Variants in HNF4G observed in about 807,000 individuals in gnomAD.
HNF4G encodes hepatocyte nuclear factor 4 gamma.
A neutral mutation model predicts 50.9 loss-of-function variants in HNF4G; 21 were observed. That is an observed-to-expected ratio of 0.41 (90% confidence interval 0.29 to 0.59). The LOEUF (loss-of-function observed/expected upper bound fraction) is 0.59. Ranked by LOEUF, HNF4G falls within the 20% of genes least tolerant of loss-of-function variation. The pLI is 0.26. For missense variants in HNF4G, 527 were observed against 559.4 expected (o/e 0.94, Z 0.58); for synonymous variants, 198 against 185.6 (o/e 1.07, Z -0.54).
chr8:75,518,738 A>C (rs1474944541), intron 2 of HNF4G, among the ~76,000 whole-genome samples: 91 of 151,764 alleles, frequency 6.0e-4, no homozygotes, highest in African/African-American at 2.1e-3. Flanking sequence ...CTGGCCCATG[A>C]AATCTTTTTT....
intron 1 of HNF4G, among the ~76,000 whole-genome samples, chr8:75,421,139 A>G (rs1176677264): frequency 2.6e-5 from 4 of 152,242 alleles, no homozygotes; most frequent in Admixed American, 2.6e-4. Flanking sequence ...TGTACAAATT[A>G]TTAATGAGAA....
intron 2 of HNF4G, among the ~76,000 whole-genome samples, chr8:75,545,617 T>C (rs550103427): frequency 6.6e-6 from 1 of 152,250 alleles, no homozygotes; most frequent in South Asian, 2.1e-4. Context: ...TTTCCTTAGA[T>C]TACAAAGTTC....
At chr8:75,414,218 A>G (rs1177041776) in intron 1 of HNF4G, among the ~76,000 whole-genome samples, 2 of 152,078 alleles carry the variant, frequency 1.3e-5, no homozygotes, top group African/African-American at 2.4e-5. Flanking sequence ...TTCCGTCATT[A>G]ATGTTGCCTT....
At chr8:75,415,930 A>G (rs1033509892) in intron 1 of HNF4G, among the ~76,000 whole-genome samples, 2 of 152,162 alleles carry the variant, frequency 1.3e-5, no homozygotes, top group African/African-American at 4.8e-5. Context: ...ATAGGTTCTG[A>G]TAAAGTTTGG....
At chr8:75,464,489 T>C (rs1268992997) in intron 1 of HNF4G, among the ~76,000 whole-genome samples, 1 of 152,132 alleles carries the variant, frequency 6.6e-6, no homozygotes, top group Non-Finnish European at 1.5e-5. Flanking sequence ...TTTTTTCCCC[T>C]TGGAAATGTC....
chr8:75,427,689 A>T (rs1160610024), intron 1 of HNF4G, among the ~76,000 whole-genome samples: 4 of 152,138 alleles, frequency 2.6e-5, no homozygotes, highest in Non-Finnish European at 4.4e-5. Context: ...AATATATATT[A>T]GTATAATAGG....
At chr8:75,445,619 A>T (rs1345878384) in intron 1 of HNF4G, among the ~76,000 whole-genome samples, 3 of 98,720 alleles carry the variant, frequency 3.0e-5, no homozygotes, top group Non-Finnish European at 5.7e-5. Flanking sequence ...TCCCACAGAA[A>T]TACAAACTAC....
upstream of HNF4G, among the ~76,000 whole-genome samples, chr8:75,535,432 G>A (rs1395282063): frequency 6.6e-6 from 1 of 151,814 alleles, no homozygotes; most frequent in African/African-American, 2.4e-5. Flanking sequence ...GTTGGGTAGA[G>A]TTCTTCACTT....
chr8:75,529,865 A>AT (rs1211051918), intron 2 of HNF4G, among the ~76,000 whole-genome samples: 2 of 152,068 alleles, frequency 1.3e-5, no homozygotes, highest in Non-Finnish European at 2.9e-5. Context: ...AAAATATTTA[A>AT]TTTTTAAACA....
At chr8:75,455,636 C>T (rs1811702255) in intron 1 of HNF4G, among the ~76,000 whole-genome samples, 1 of 152,076 alleles carries the variant, frequency 6.6e-6, no homozygotes, top group African/African-American at 2.4e-5. Flanking sequence ...TCTGATAAAT[C>T]ATTTCAGTTC....
chr8:75,412,903 A>G (rs1343280100), intron 1 of HNF4G, among the ~76,000 whole-genome samples: 1 of 152,164 alleles, frequency 6.6e-6, no homozygotes, highest in Non-Finnish European at 1.5e-5. Flanking sequence ...ACACTATTAT[A>G]TTAGGATAAC....
At chr8:75,471,535 A>ACAGC (rs1480036834) in intron 1 of HNF4G, among the ~76,000 whole-genome samples, 2 of 152,176 alleles carry the variant, frequency 1.3e-5, no homozygotes, top group African/African-American at 2.4e-5. Context: ...ATTTGACTCA[A>ACAGC]CAGTCCTCTG....
chr8:75,500,144 A>G (rs1324369364), intron 2 of HNF4G, among the ~76,000 whole-genome samples: 2 of 152,168 alleles, frequency 1.3e-5, no homozygotes, highest in African/African-American at 2.4e-5. Flanking sequence ...TCTTGTATCC[A>G]GAATATATAA....
At chr8:75,414,131 C>T (rs1810571764) in intron 1 of HNF4G, among the ~76,000 whole-genome samples, 1 of 152,052 alleles carries the variant, frequency 6.6e-6, no homozygotes, top group Admixed American at 6.6e-5. Context: ...AACATTTCTG[C>T]ACCCATCCCC....
At chr8:75,492,764 C>G (rs985561934) in intron 2 of HNF4G, among the ~76,000 whole-genome samples, 9 of 152,084 alleles carry the variant, frequency 5.9e-5, no homozygotes, top group Non-Finnish European at 8.8e-5. Flanking sequence ...TCATCCTACC[C>G]TCACAGAAAC....
intron 1 of HNF4G, among the ~76,000 whole-genome samples, chr8:75,484,625 A>G (rs1812455198): frequency 6.6e-6 from 1 of 152,214 alleles, no homozygotes; most frequent in Non-Finnish European, 1.5e-5. Context: ...TTCATGGTAT[A>G]TATTATGATT....
In HNF4G at chr8:75,561,671, T is replaced by G. The variant is rs1807315834; in HGVS notation, c.1246+1205T>G. On this transcript the variant is annotated intron_variant, in intron 9 of 9. Coordinates refer to ENST00000396423, the MANE Select transcript of HNF4G (RefSeq NM_004133.5). The stretch of plus-strand genomic sequence containing the variant: ...GGCAGTGGGGTCTGTATTTATGAAA[T>G]TGCTCACTCTTAATTGTGAGTTACC... Among the ~76,000 whole-genome samples, 5 of 152,140 alleles carry G rather than the reference T, an allele frequency of 3.3e-5. No individual in the cohort carries two copies. In the South Asian group the frequency reaches 1.0e-3, roughly 32 times the overall value.
At chr8:75,453,310 C>T (rs58627858) in intron 1 of HNF4G, among the ~76,000 whole-genome samples, 2,404 of 152,186 alleles carry the variant, frequency 0.016, 70 homozygotes, top group African/African-American at 0.055. Flanking sequence ...TCTGTAAAAA[C>T]GCACCAGTCA....
chr8:75,448,641 T>G (rs893864183), intron 1 of HNF4G, among the ~76,000 whole-genome samples: 3 of 152,024 alleles, frequency 2.0e-5, no homozygotes, highest in Admixed American at 1.3e-4. Flanking sequence ...TGCTGGATAC[T>G]GTTATGAATA....
Sources: allele counts gnomAD v4.1 joint callset (sites outside exome capture counted in the v4.1 genomes callset), GRCh38; gene constraint gnomAD v4.1.1; transcripts MANE v1.5; gene names NCBI Gene and HGNC (gene_info 2026-07-23, HGNC 2026-07-21).